The following TBXAS1 variants were observed in gnomAD, a reference collection of about 807,000 sequenced individuals.
The protein encoded by TBXAS1 is thromboxane A synthase 1.
TBXAS1 carries 48 observed loss-of-function variants against 60.7 expected under a neutral mutation model. The ratio of observed to expected loss-of-function variants is 0.79; its 90% confidence interval spans 0.63 to 1.01. The LOEUF (loss-of-function observed/expected upper bound fraction) is 1.01. Ranked by LOEUF, TBXAS1 falls within the 50% of genes least tolerant of loss-of-function variation. The pLI is 0.00. For missense variants in TBXAS1, 685 were observed against 686.3 expected (o/e 1.00, Z 0.02); for synonymous variants, 287 against 269.7 (o/e 1.06, Z -0.63).
chr7:139,971,568 C>T (rs1811199074), intron 9 of TBXAS1, among the ~76,000 whole-genome samples: 1 of 152,160 alleles, frequency 6.6e-6, no homozygotes, highest in East Asian at 1.9e-4. Context: ...TCCCAGAGGT[C>T]ATCTGGGCTG....
At chr7:139,784,143 G>GCCTGCCTT (rs1797099983) in intron 3 of TBXAS1, among the ~76,000 whole-genome samples, 1 of 148,772 alleles carries the variant, frequency 6.7e-6, no homozygotes, top group Non-Finnish European at 1.5e-5. Context: ...CTGCCTGCCT[G>GCCTGCCTT]CCTGCCTTCC....
chr7:139,936,323 T>G lies in TBXAS1; in HGVS notation c.450+16T>G, dbSNP rs762990495. Reference sequence around the variant, plus strand: ...GCTGAACGAGGTAAGACATGAGAAATGCAAACTCTCTTCTCTTACGGAGCA... The same window carrying G: ...GCTGAACGAGGTAAGACATGAGAAAGGCAAACTCTCTTCTCTTACGGAGCA... On this transcript the variant is annotated intron_variant, in intron 5 of 12. Coordinates refer to ENST00000448866, the MANE Select transcript of TBXAS1 (RefSeq NM_001061.7). 6.2e-7 allele frequency: 1 copy of G among 1,611,234 alleles called. No individual in the cohort carries two copies. The highest frequency in any genetic ancestry group is 8.5e-7 in the Non-Finnish European group (1 of 1,177,502).
At chr7:139,983,674 G>A (rs1020268666) in intron 9 of TBXAS1, among the ~76,000 whole-genome samples, 1 of 152,136 alleles carries the variant, frequency 6.6e-6, no homozygotes, top group Non-Finnish European at 1.5e-5. Flanking sequence ...CTGGGATCTT[G>A]TCATCATTCA....
intron 1 of TBXAS1, among the ~76,000 whole-genome samples, chr7:139,836,978 C>T (rs533619166): frequency 3.9e-4 from 59 of 152,194 alleles, no homozygotes; most frequent in African/African-American, 1.4e-3. Flanking sequence ...AAAAAACAAT[C>T]CCATCAAAAA....
At chr7:139,953,544 A>C in intron 6 of TBXAS1, 88 bp downstream of exon 6, 1 of 1,284,162 alleles carries the variant, frequency 7.8e-7, no homozygotes, top group Non-Finnish European at 1.1e-6. Context: ...TTACCTTGGG[A>C]CTAGCAAACT....
intron 4 of TBXAS1, among the ~76,000 whole-genome samples, chr7:139,813,498 G>A (rs922579753): frequency 2.0e-5 from 3 of 152,218 alleles, no homozygotes; most frequent in Admixed American, 6.5e-5. Flanking sequence ...ATAGGTCCAG[G>A]TTTCCATAGG....
At chr7:139,835,936 T>C (rs1163275315) in intron 1 of TBXAS1, among the ~76,000 whole-genome samples, 2 of 152,000 alleles carry the variant, frequency 1.3e-5, no homozygotes, top group Non-Finnish European at 1.5e-5. Flanking sequence ...AGTTTCCAGA[T>C]GCAAGATTAA....
intron 1 of TBXAS1, among the ~76,000 whole-genome samples, chr7:139,867,012 A>T (rs902061788): frequency 6.6e-6 from 1 of 152,168 alleles, no homozygotes; most frequent in South Asian, 2.1e-4. Flanking sequence ...TTATTTAAGG[A>T]TCTGTTTCTA....
intron 4 of TBXAS1, among the ~76,000 whole-genome samples, chr7:139,807,576 G>A (rs1797911038): frequency 6.6e-6 from 1 of 152,036 alleles, no homozygotes; most frequent in African/African-American, 2.4e-5. Context: ...GTAGAGACAG[G>A]GTTTCACCAT....
chr7:139,820,137 GC>G (rs939476293), intron 4 of TBXAS1, among the ~76,000 whole-genome samples: 2 of 151,988 alleles, frequency 1.3e-5, no homozygotes, highest in African/African-American at 4.8e-5. Flanking sequence ...ACTGTTCCAG[GC>G]ACCAACTTGC....
In TBXAS1 at chr7:139,936,184, C is replaced by G. The variant is rs749395760; in HGVS notation, c.334-7C>G. 18 of 1,613,998 alleles carry G rather than the reference C, an allele frequency of 1.1e-5. No individual in the cohort carries two copies. The highest frequency in any genetic ancestry group is 1.5e-5 in the Non-Finnish European group (18 of 1,180,020). ...GTCCTGACCCTCTGCTTGTTACTTC[C>G]CAACAGGCGTCGGGTTTGGAGTTCA... On this transcript the variant is annotated splice_polypyrimidine_tract_variant and splice_region_variant and intron_variant, in intron 4 of 12. Coordinates refer to ENST00000448866, the MANE Select transcript of TBXAS1 (RefSeq NM_001061.7).
chr7:139,929,888 A>G (rs1430008739), intron 4 of TBXAS1, among the ~76,000 whole-genome samples: 1 of 152,196 alleles, frequency 6.6e-6, no homozygotes, highest in Non-Finnish European at 1.5e-5. Context: ...GGCTCCTCAC[A>G]GTTGATTCTC....
At chr7:139,834,300 G>A (rs1271414655) in intron 1 of TBXAS1, among the ~76,000 whole-genome samples, 1 of 152,132 alleles carries the variant, frequency 6.6e-6, no homozygotes, top group Non-Finnish European at 1.5e-5. Context: ...AAACCTCTGG[G>A]ATATAGCTAA....
chr7:139,780,226 A>G (rs530586637), intron 1 of TBXAS1, among the ~76,000 whole-genome samples: 3 of 152,204 alleles, frequency 2.0e-5, no homozygotes, highest in Non-Finnish European at 2.9e-5. Flanking sequence ...CATACCCTAC[A>G]TGCATGTCTC....
intron 3 of TBXAS1, among the ~76,000 whole-genome samples, chr7:139,878,826 CT>C (rs1802461553): frequency 6.6e-6 from 1 of 151,816 alleles, no homozygotes; most frequent in Non-Finnish European, 1.5e-5. Context: ...CCAGCTTGGT[CT>C]TCTTAAAAAT....
At chr7:139,953,140 T>C (rs1338392826) in intron 5 of TBXAS1, among the ~76,000 whole-genome samples, 1 of 152,250 alleles carries the variant, frequency 6.6e-6, no homozygotes, top group Non-Finnish European at 1.5e-5. Flanking sequence ...TCTTTTTTGC[T>C]TCCAAAGATA....
chr7:139,971,115 C>T (rs932203008), intron 9 of TBXAS1, among the ~76,000 whole-genome samples: 2 of 152,124 alleles, frequency 1.3e-5, no homozygotes, highest in African/African-American at 4.8e-5. Context: ...GAAATGTATC[C>T]AAGGTACCCA....
At chr7:139,823,018 G>A (rs756005138) in intron 4 of TBXAS1, among the ~76,000 whole-genome samples, 3 of 151,544 alleles carry the variant, frequency 2.0e-5, no homozygotes, top group Admixed American at 6.6e-5. Context: ...ATATCTCCCC[G>A]TCCTCCCCAC....
In TBXAS1 at chr7:139,875,655, C is replaced by T. The variant is rs755172547; in HGVS notation, c.236+18C>T. On this transcript the variant is annotated intron_variant, in intron 3 of 12. Transcript: ENST00000448866. ...CTGTGTGGGTAAGAAGGAAACTCAA[C>T]GTTTCTATTATGTACGATATTTTCT... is the stretch of plus-strand genomic sequence containing the variant. 26 of 1,604,180 alleles carry T rather than the reference C, an allele frequency of 1.6e-5. No individual in the cohort carries two copies. The highest frequency in any genetic ancestry group is 2.0e-5 in the Non-Finnish European group (24 of 1,179,834).
Sources: gnomAD v4.1 joint callset for allele counts (sites outside exome capture counted in the v4.1 genomes callset) on GRCh38, gnomAD v4.1.1 for gene constraint, MANE v1.5 for transcripts, NCBI Gene and HGNC (gene_info 2026-07-23, HGNC 2026-07-21) for gene names.